The following SPEM3 variants were observed in gnomAD, a reference collection of about 807,000 sequenced individuals.
SPEM3 encodes the protein SPEM family member 3.
In SPEM3 at chr17:7,431,415, G is replaced by T. The variant is rs943055844; in HGVS notation, c.2244G>T (p.Lys748Asn). 1 of 398,394 alleles carries T rather than the reference G, an allele frequency of 2.5e-6. No homozygotes were observed. Among genetic ancestry groups the T allele is most frequent in the Non-Finnish European group, 4.4e-6 (1 of 226,058 alleles). The allele number at this position is 398,394 out of a possible 1,614,324, so 24.7% of individuals were successfully genotyped here. A position where few individuals can be genotyped will look rare whatever the true frequency, so the allele number is the denominator to read the frequency against. ...PSPSQDFGLH[K>N]NSGITQDSHP... The stretch of plus-strand genomic sequence containing the variant: ...CTTCTCAAGACTTTGGTCTTCACAA[G>T]AATTCAGGCATTACTCAAGATTCCC... Residue 748 changes from lysine to asparagine, a missense_variant, in exon 3 of 3, where the codon AAG becomes AAT. Transcript: ENST00000636696.
At position 7,431,446 on chromosome 17, in the gene SPEM3, C is replaced by T. The variant is rs144755733; in HGVS notation, c.2275C>T (p.Gln759Ter). 2 of 398,556 alleles carry T rather than the reference C, an allele frequency of 5.0e-6. No individual in the cohort carries two copies. Among genetic ancestry groups the T allele is most frequent in the Non-Finnish European group, 8.8e-6 (2 of 226,054 alleles). 24.7% of individuals were successfully genotyped at this position (398,556 alleles called of 1,614,324 possible). The change falls in exon 3 of 3, where the codon CAA (glutamine) becomes TAA (stop). Residue 759 changes from glutamine (Q) to a stop codon, truncating the protein, a stop_gained. Coordinates refer to ENST00000636696, the MANE Select transcript of SPEM3 (RefSeq NM_001364708.1). LOFTEE classifies it low-confidence loss of function (END_TRUNC). ...NSGITQDSHPQKNTGLTQEAG... is the reference protein window; with the variant it reads ...NSGITQDSHP ...AGGCATTACTCAAGATTCCCACCCC[C>T]AAAAGAACACAGGTCTGACTCAAGA...
At position 7,431,779 on chromosome 17, in the gene SPEM3, C is replaced by T. The variant is rs1907839793; in HGVS notation, c.2608C>T (p.Pro870Ser). Residue 870 changes from proline to serine, a missense_variant, in exon 3 of 3, where the codon CCG becomes TCG. Pro to Ser is a moderately conservative substitution (Grantham distance 74, BLOSUM62 -1). Transcript: ENST00000636696. ...LTEDSGSQKGPYVPQDSEVNK... is the reference protein window; with the variant it reads ...LTEDSGSQKGSYVPQDSEVNK... ...TGAAGATTCTGGATCACAGAAGGGTCCGTATGTTCCCCAAGACTCTGAAGT... is the reference window on the plus strand; with the variant it reads ...TGAAGATTCTGGATCACAGAAGGGTTCGTATGTTCCCCAAGACTCTGAAGT... 1 of 398,572 alleles carries T rather than the reference C, an allele frequency of 2.5e-6. No individual in the cohort carries two copies. The highest frequency in any genetic ancestry group is 3.6e-5 in the East Asian group (1 of 28,086). The allele number at this position is 398,572 out of a possible 1,614,324, so 24.7% of individuals were successfully genotyped here.
At position 7,430,129 on chromosome 17, in the gene SPEM3, G is replaced by A. The variant is rs1597735151; in HGVS notation, c.958G>A (p.Ala320Thr). The A allele has an allele frequency of 2.4e-6, 1 of 415,936 alleles. No homozygotes were observed. Among genetic ancestry groups the A allele is most frequent in the African/African-American group, 2.1e-5 (1 of 48,452 alleles). The allele number at this position is 415,936 out of a possible 1,614,324, so 25.8% of individuals were successfully genotyped here. A position where few individuals can be genotyped will look rare whatever the true frequency, so the allele number is the denominator to read the frequency against. ...CACCCCTGAGTATACTCACTCCCAG[G>A]CCCACAGCCCTGAACACACCTCAGC... ...PHTPEYTHSQ[A>T]HSPEHTSAHS... Residue 320 changes from alanine to threonine, a missense_variant, in exon 3 of 3, where the codon GCC becomes ACC. By Grantham distance (58) the Ala-to-Thr change is moderately conservative. Transcript: ENST00000636696.
rs1907821947 is a variant in SPEM3, at chr17:7,431,202, C to G, written c.2031C>G (p.Thr677=). 1 of 398,324 alleles carries G rather than the reference C, an allele frequency of 2.5e-6. No individual in the cohort carries two copies. The highest frequency in any genetic ancestry group is 2.1e-5 in the African/African-American group (1 of 48,542). The allele number at this position is 398,324 out of a possible 1,614,324, so 24.7% of individuals were successfully genotyped here. Residue 677 remains threonine, a synonymous_variant, in exon 3 of 3, where the codon ACC becomes ACG. Coordinates refer to ENST00000636696, the MANE Select transcript of SPEM3 (RefSeq NM_001364708.1). The stretch of plus-strand genomic sequence containing the variant: ...CCCAAGATTCTGGCCTTCAAAGGAC[C>G]CCAGGCCCTTCAAAAGACTCCAGAG... ...GLTQDSGLQR[T]PGPSKDSRVP...
rs1018831768 is a variant in SPEM3, at chr17:7,432,267, C to T, written c.3096C>T (p.Val1032=). ...GCCCTGCCCTAGGTTCTGATTTTGT[C>T]CAGCTTTTGTCCCTGCTTCAGACCC... The part of the protein sequence containing the change: ...NPSPALGSDF[V]QLLSLLQTPK... The change falls in exon 3 of 3, where the codon GTC becomes GTT. Residue 1032 remains valine (V), a synonymous_variant. Coordinates refer to ENST00000636696, the MANE Select transcript of SPEM3 (RefSeq NM_001364708.1). The surrounding 1 kb of genome is among the most constrained non-coding windows in gnomAD (Gnocchi z 4.1). 5.0e-6 allele frequency: 2 copies of T among 398,652 alleles called. No individual in the cohort carries two copies. The highest frequency in any genetic ancestry group is 4.4e-5 in the Admixed American group (1 of 22,712). 24.7% of individuals were successfully genotyped at this position (398,652 alleles called of 1,614,324 possible).
Position 7,431,655 on chromosome 17 carries a change from T to A in SPEM3, c.2484T>A (p.Thr828=). 1 of 398,576 alleles carries A rather than the reference T, an allele frequency of 2.5e-6. No homozygotes were observed. Among genetic ancestry groups the A allele is most frequent in the Non-Finnish European group, 4.4e-6 (1 of 226,058 alleles). The allele number at this position is 398,576 out of a possible 1,614,324, so 24.7% of individuals were successfully genotyped here. Reference sequence around the variant, plus strand: ...AAAATCAAGATCTCTCCCAAGCAACTGACCACCAAAAGAACCTAGGCTCTT... The same window carrying A: ...AAAATCAAGATCTCTCCCAAGCAACAGACCACCAAAAGAACCTAGGCTCTT... ...IYKNQDLSQA[T]DHQKNLGSSK... is the part of the protein sequence containing the mutation. The change falls in exon 3 of 3, where the codon ACT becomes ACA. Residue 828 remains threonine, a synonymous_variant. Transcript: ENST00000636696.
rs537928243 is a variant in SPEM3 at position 7,430,106 on chromosome 17, C to A, written c.935C>A (p.Thr312Asn). 1.2e-5 allele frequency: 5 copies of A among 417,958 alleles called. No homozygotes were observed. Among genetic ancestry groups the A allele is most frequent in the Non-Finnish European group, 2.1e-5 (5 of 237,522 alleles). The allele number at this position is 417,958 out of a possible 1,614,324, so 25.9% of individuals were successfully genotyped here. A position where few individuals can be genotyped will look rare whatever the true frequency, so the allele number is the denominator to read the frequency against. Reference protein sequence around the residue: ...AQAQTHSPPHTPEYTHSQAHS... With the variant: ...AQAQTHSPPHNPEYTHSQAHS... ...GCCCAAACCCACTCTCCGCCCCACA[C>A]CCCTGAGTATACTCACTCCCAGGCC... Residue 312 changes from threonine (T) to asparagine (N), a missense_variant, in exon 3 of 3, where the codon ACC (threonine) becomes AAC (asparagine). Transcript: ENST00000636696.
At position 7,431,053 on chromosome 17, in the gene SPEM3, C is replaced by T. The variant is rs1907815214; in HGVS notation, c.1882C>T (p.Pro628Ser). Residue 628 changes from proline (P) to serine (S), a missense_variant, in exon 3 of 3, where the codon CCA becomes TCA. By Grantham distance (74) the Pro-to-Ser change is moderately conservative (BLOSUM62 -1). Transcript: ENST00000636696. ...STLIQTPTVL[P>S]TSKSPQSILT... Reference sequence around the variant, plus strand: ...CTTAATACAAACCCCTACTGTTCTTCCAACCTCCAAGTCTCCTCAGTCCAT... The same window carrying T: ...CTTAATACAAACCCCTACTGTTCTTTCAACCTCCAAGTCTCCTCAGTCCAT... 2.5e-6 allele frequency: 1 copy of T among 398,686 alleles called. No individual in the cohort carries two copies. The highest frequency in any genetic ancestry group is 4.4e-6 in the Non-Finnish European group (1 of 226,190). 24.7% of individuals were successfully genotyped at this position (398,686 alleles called of 1,614,324 possible).
rs1907749038 is a variant in SPEM3, at chr17:7,429,250, G to A, written c.196+3G>A. On this transcript the variant is annotated splice_donor_region_variant and intron_variant, in intron 2 of 2. Coordinates refer to ENST00000636696, the MANE Select transcript of SPEM3 (RefSeq NM_001364708.1). The surrounding 1 kb of genome is among the most constrained non-coding windows in gnomAD (Gnocchi z 4.9). Reference sequence around the variant, plus strand: ...TTTCCGTCATTTTTTCCCCAAAGGTGAGTGGGCCCCTGTATGGGCTCCCAG... The same window carrying A: ...TTTCCGTCATTTTTTCCCCAAAGGTAAGTGGGCCCCTGTATGGGCTCCCAG... The A allele has an allele frequency of 5.0e-6, 2 of 398,526 alleles. No individual in the cohort carries two copies. Among genetic ancestry groups the A allele is most frequent in the South Asian group, 2.5e-4 (2 of 7,858 alleles). The allele number at this position is 398,526 out of a possible 1,614,324, so 24.7% of individuals were successfully genotyped here. A position where few individuals can be genotyped will look rare whatever the true frequency, so the allele number is the denominator to read the frequency against.
In SPEM3 at chr17:7,429,931, C is replaced by A; in HGVS notation, c.760C>A (p.His254Asn). The A allele has an allele frequency of 2.4e-6, 1 of 417,676 alleles. No homozygotes were observed. Among genetic ancestry groups the A allele is most frequent in the African/African-American group, 2.1e-5 (1 of 48,774 alleles). The allele number at this position is 417,676 out of a possible 1,614,324, so 25.9% of individuals were successfully genotyped here. Reference protein sequence around the residue: ...HSKARTPEGTHSQAQDTSAQA... With the variant: ...HSKARTPEGTNSQAQDTSAQA... ...CAAAGCCCGCACCCCTGAGGGCACC[C>A]ACTCCCAGGCCCAGGACACCTCAGC... is the stretch of plus-strand genomic sequence containing the variant. Residue 254 changes from histidine to asparagine, a missense_variant, in exon 3 of 3, where the codon CAC (histidine) becomes AAC (asparagine). Coordinates refer to ENST00000636696, the MANE Select transcript of SPEM3 (RefSeq NM_001364708.1). This position sits in a 1 kb window ranked among gnomAD's most constrained non-coding sequence, Gnocchi z 4.9.
rs973868168 is a variant in SPEM3 at position 7,432,282 on chromosome 17, G to A, written c.3111G>A (p.Leu1037=). 2.0e-5 allele frequency: 8 copies of A among 398,588 alleles called. No homozygotes were observed. The Admixed American group carries it at 2.2e-4, about 11-fold the overall frequency. The allele number at this position is 398,588 out of a possible 1,614,324, so 24.7% of individuals were successfully genotyped here. Residue 1037 remains leucine (L), a synonymous_variant, in exon 3 of 3, where the codon CTG becomes CTA. Transcript: ENST00000636696. This position sits in a 1 kb window ranked among gnomAD's most constrained non-coding sequence, Gnocchi z 4.1. ...CTGATTTTGTCCAGCTTTTGTCCCT[G>A]CTTCAGACCCCAAAGTCCACACTGT... ...LGSDFVQLLS[L]LQTPKSTLSL...
rs1597735391 is a variant in SPEM3, at chr17:7,430,677, G to A, written c.1506G>A (p.Gly502=). 2.5e-6 allele frequency: 1 copy of A among 398,642 alleles called. No individual in the cohort carries two copies. The highest frequency in any genetic ancestry group is 3.6e-5 in the East Asian group (1 of 28,080). 24.7% of individuals were successfully genotyped at this position (398,642 alleles called of 1,614,324 possible). ...CTGAGCAAACAAAGCAATGCAGTGG[G>A]GATAGTGCCAAGCTTCCTGCAGGAT... is the stretch of plus-strand genomic sequence containing the variant. ...GISEQTKQCS[G]DSAKLPAGSI... is the part of the protein sequence containing the mutation. The change falls in exon 3 of 3, where the codon GGG becomes GGA. Residue 502 remains glycine (G), a synonymous_variant. Coordinates refer to ENST00000636696, the MANE Select transcript of SPEM3 (RefSeq NM_001364708.1).
In SPEM3 at chr17:7,429,500, CCTG is replaced by C. The variant is rs1312727451; in HGVS notation, c.330_332del (p.Trp111del). Reference sequence around the variant, plus strand: ...CTCAGGCGCGTTAACCACCTTGACTCCTGGATACCAGACACGAACGATGAGAAG... The same window carrying C: ...CTCAGGCGCGTTAACCACCTTGACTCGATACCAGACACGAACGATGAGAAG... On this transcript the variant is annotated inframe_deletion, in exon 3 of 3. Transcript: ENST00000636696. The surrounding 1 kb of genome is among the most constrained non-coding windows in gnomAD (Gnocchi z 4.9). 2 of 398,554 alleles carry C rather than the reference CCTG, an allele frequency of 5.0e-6. No individual in the cohort carries two copies. Among genetic ancestry groups the C allele is most frequent in the Non-Finnish European group, 8.8e-6 (2 of 226,102 alleles). 24.7% of individuals were successfully genotyped at this position (398,554 alleles called of 1,614,324 possible).
chr17:7,432,605 G>T lies in SPEM3; in HGVS notation c.3434G>T (p.Gly1145Val). Reference protein sequence around the residue: ...THINWKSHCPGPGTQAGHVVF... With the variant: ...THINWKSHCPVPGTQAGHVVF... ...ATCAACTGGAAGTCCCACTGCCCTGGACCAGGCACCCAGGCAGGGCATGTG... is the reference window on the plus strand; with the variant it reads ...ATCAACTGGAAGTCCCACTGCCCTGTACCAGGCACCCAGGCAGGGCATGTG... Residue 1145 changes from glycine (G) to valine (V), a missense_variant, in exon 3 of 3, where the codon GGA (glycine) becomes GTA (valine). Physicochemically the swap from Gly to Val is moderately radical, Grantham distance 109 (BLOSUM62 -3). Transcript: ENST00000636696. This position sits in a 1 kb window ranked among gnomAD's most constrained non-coding sequence, Gnocchi z 4.1. 2.5e-6 allele frequency: 1 copy of T among 398,656 alleles called. No homozygotes were observed. Among genetic ancestry groups the T allele is most frequent in the South Asian group, 1.3e-4 (1 of 7,832 alleles). 24.7% of individuals were successfully genotyped at this position (398,656 alleles called of 1,614,324 possible).
chr17:7,429,352 C>G lies in SPEM3; in HGVS notation c.197-16C>G. On this transcript the variant is annotated splice_polypyrimidine_tract_variant and intron_variant, in intron 2 of 2. Transcript: ENST00000636696. The surrounding 1 kb of genome is among the most constrained non-coding windows in gnomAD (Gnocchi z 4.9). ...AGGGAACCCGGGCATTGTCCCCATCCTACCTCTCCCTGCAGACAAGCAGCC... is the reference window on the plus strand; with the variant it reads ...AGGGAACCCGGGCATTGTCCCCATCGTACCTCTCCCTGCAGACAAGCAGCC... The G allele has an allele frequency of 2.5e-6, 1 of 398,596 alleles. No homozygotes were observed. Among genetic ancestry groups the G allele is most frequent in the Non-Finnish European group, 4.4e-6 (1 of 226,108 alleles). 24.7% of individuals were successfully genotyped at this position (398,596 alleles called of 1,614,324 possible). A position where few individuals can be genotyped will look rare whatever the true frequency, so the allele number is the denominator to read the frequency against.
At position 7,432,726 on chromosome 17, in the gene SPEM3, G is replaced by A. The variant is rs942746169; in HGVS notation, c.3555G>A (p.Ser1185=). 8 of 398,546 alleles carry A rather than the reference G, an allele frequency of 2.0e-5. No individual in the cohort carries two copies. The highest frequency in any genetic ancestry group is 8.8e-5 in the Admixed American group (2 of 22,716). 24.7% of individuals were successfully genotyped at this position (398,546 alleles called of 1,614,324 possible). Reference sequence around the variant, plus strand: ...TTCATCAAGAGGCACCCAGCAACTCGGGGAAACCATCAAGGAGTGGGGATA... The same window carrying A: ...TTCATCAAGAGGCACCCAGCAACTCAGGGAAACCATCAAGGAGTGGGGATA... ...RRLHQEAPSN[S]GKPSRSGDIR... is the part of the protein sequence containing the mutation. Residue 1185 remains serine, a synonymous_variant, in exon 3 of 3, where the codon TCG becomes TCA. Transcript: ENST00000636696. This position sits in a 1 kb window ranked among gnomAD's most constrained non-coding sequence, Gnocchi z 4.1.
rs1209946217 is a variant in SPEM3, at chr17:7,432,026, G to A, written c.2855G>A (p.Ser952Asn). The part of the protein sequence containing the change: ...TQATKVERRF[S>N]LPQDVGVYRS... ...GCCACTAAAGTTGAAAGAAGATTTA[G>A]CCTTCCCCAAGATGTTGGAGTTTAC... Residue 952 changes from serine (S) to asparagine (N), a missense_variant, in exon 3 of 3, where the codon AGC becomes AAC. Coordinates refer to ENST00000636696, the MANE Select transcript of SPEM3 (RefSeq NM_001364708.1). This position sits in a 1 kb window ranked among gnomAD's most constrained non-coding sequence, Gnocchi z 4.1. The A allele has an allele frequency of 1.0e-5, 4 of 398,436 alleles. No homozygotes were observed. The highest frequency in any genetic ancestry group is 1.8e-5 in the Non-Finnish European group (4 of 226,080). The allele number at this position is 398,436 out of a possible 1,614,324, so 24.7% of individuals were successfully genotyped here.
In SPEM3 at chr17:7,431,294, C is replaced by T; in HGVS notation, c.2123C>T (p.Pro708Leu). The T allele has an allele frequency of 2.5e-6, 1 of 398,596 alleles. No homozygotes were observed. Among genetic ancestry groups the T allele is most frequent in the Non-Finnish European group, 4.4e-6 (1 of 226,088 alleles). 24.7% of individuals were successfully genotyped at this position (398,596 alleles called of 1,614,324 possible). ...AAGAACCCAGGCCTTACCCAAGATC[C>T]AGGCCTCCACGAGAACCCAGGTCTT... ...LYKNPGLTQDPGLHENPGLAP... is the reference protein window; with the variant it reads ...LYKNPGLTQDLGLHENPGLAP... Residue 708 changes from proline (P) to leucine (L), a missense_variant, in exon 3 of 3, where the codon CCA becomes CTA. Pro to Leu is a moderately conservative substitution (Grantham distance 98). Transcript: ENST00000636696.
rs1038220713 is a variant in SPEM3, at chr17:7,431,720, A to G, written c.2549A>G (p.Gln850Arg). Residue 850 changes from glutamine to arginine, a missense_variant, in exon 3 of 3, where the codon CAA becomes CGA. Coordinates refer to ENST00000636696, the MANE Select transcript of SPEM3 (RefSeq NM_001364708.1). ...GGTCACAAGAATACAGGCAATGTCC[A>G]AGATCCAGGAGTCTGTAGTACCGCA... ...SGGHKNTGNV[Q>R]DPGVCSTAGL... is the part of the protein sequence containing the mutation. 2.5e-6 allele frequency: 1 copy of G among 398,548 alleles called. No homozygotes were observed. The highest frequency in any genetic ancestry group is 2.1e-5 in the African/African-American group (1 of 48,630). 24.7% of individuals were successfully genotyped at this position (398,548 alleles called of 1,614,324 possible). A position where few individuals can be genotyped will look rare whatever the true frequency, so the allele number is the denominator to read the frequency against.
Sources: allele counts gnomAD v4.1 joint callset, GRCh38; gene constraint gnomAD v4.1.1; non-coding constraint Gnocchi (gnomAD v3.1); transcripts MANE v1.5; gene names NCBI Gene and HGNC (gene_info 2026-07-23, HGNC 2026-07-21).